The following CCDC7 variants were observed in gnomAD, a reference collection of about 807,000 sequenced individuals.
CCDC7 encodes coiled-coil domain-containing protein 7.
In CCDC7, 183 loss-of-function variants were observed where a neutral mutation model predicts 196.9. The observed-to-expected ratio is 0.93, with a 90% CI of 0.82 to 1.05. The LOEUF is 1.05. CCDC7 is among the 50% of genes least tolerant of loss of function. CCDC7 has a pLI of 0.00. For missense variants in CCDC7, 1,540 were observed against 1,482.2 expected, an observed-to-expected ratio of 1.04 and a Z score of -0.64; for synonymous variants, 525 against 484.6, an observed-to-expected ratio of 1.08 and a Z score of -1.10.
chr10:32,876,494 G>C, downstream of CCDC7: 1 of 1,117,238 alleles, frequency 9.0e-7, no homozygotes. Context: ...ATACTGACTC[G>C]TGTGGATGGT....
intron 15 of CCDC7, among the ~76,000 whole-genome samples, chr10:32,569,910 C>G (rs536880541): frequency 3.5e-4 from 54 of 152,232 alleles, no homozygotes; most frequent in Non-Finnish European, 7.5e-4. Flanking sequence ...TTTGTCTCCT[C>G]TTGCTCTGCT....
rs1404329853 is a variant in CCDC7, at chr10:32,467,142, G to A, written c.511-3922G>A. 1.1e-4 allele frequency among the ~76,000 whole-genome samples: 16 copies of A among 149,042 alleles called. No individual in the cohort carries two copies. The South Asian group carries it at 1.5e-3, about 14-fold the overall frequency. On this transcript the variant is annotated intron_variant, in intron 5 of 41. Coordinates refer to ENST00000639629, the Ensembl canonical transcript of CCDC7. ...TTTTGAGACAGAGTCTTGCTCCCTC[G>A]CCAGGCTGGAGTGCAGTGACACAAT...
rs1425258670 is a variant in CCDC7 at position 32,727,083 on chromosome 10, A to G, written c.2668+251A>G. On this transcript the variant is annotated intron_variant, in intron 26 of 41. Transcript: ENST00000639629. ...TCTACCAAGGCCCAATAATTCGCCT[A>G]CAGTATCTTGAAGAGTGTACCTTTC... Among the ~76,000 whole-genome samples, 10 of 152,274 alleles carry G rather than the reference A, an allele frequency of 6.6e-5. No homozygotes were observed. The East Asian group carries it at 1.2e-3, about 18-fold the overall frequency.
At chr10:32,807,945 G>C (rs768061231) in intron 30 of CCDC7, among the ~76,000 whole-genome samples, 13 of 152,070 alleles carry the variant, frequency 8.5e-5, no homozygotes, top group Non-Finnish European at 1.5e-4. Context: ...TGGCCAGGCT[G>C]GTGTGGCCCA....
intron 28 of CCDC7, among the ~76,000 whole-genome samples, chr10:32,752,044 G>A (rs927810582): frequency 6.6e-6 from 1 of 152,018 alleles, no homozygotes. Flanking sequence ...TGCTATACTT[G>A]GAGGCTCAAC....
intron 24 of CCDC7, among the ~76,000 whole-genome samples, chr10:32,698,369 G>A (rs957651388): frequency 6.6e-6 from 1 of 152,152 alleles, no homozygotes; most frequent in African/African-American, 2.4e-5. Flanking sequence ...GTTGAGAGAA[G>A]TAGACTTCAG....
chr10:32,843,380 A>G (rs377178297), intron 33 of CCDC7, among the ~76,000 whole-genome samples: 22 of 152,154 alleles, frequency 1.4e-4, no homozygotes, highest in African/African-American at 5.1e-4. Flanking sequence ...ATATTTCTGT[A>G]CTTCACTGGA....
At chr10:32,471,539 T>G (rs1439798494) in intron 6 of CCDC7, among the ~76,000 whole-genome samples, 1 of 152,184 alleles carries the variant, frequency 6.6e-6, no homozygotes, top group African/African-American at 2.4e-5. Context: ...ATTGCTAGCT[T>G]TGAAATATCT....
At chr10:32,546,888 G>A (rs1392584014) in intron 13 of CCDC7, among the ~76,000 whole-genome samples, 1 of 152,128 alleles carries the variant, frequency 6.6e-6, no homozygotes. Flanking sequence ...TCAGTTCCTT[G>A]CAGTTTAGGG....
At chr10:32,461,691 A>G (rs887935110) in intron 3 of CCDC7, among the ~76,000 whole-genome samples, 12 of 106,478 alleles carry the variant, frequency 1.1e-4, no homozygotes, top group South Asian at 3.2e-4. Context: ...CCTTACATAT[A>G]TGTGTGTGTG....
At chr10:32,462,478 A>G (rs1034414302) in intron 3 of CCDC7, among the ~76,000 whole-genome samples, 1 of 152,162 alleles carries the variant, frequency 6.6e-6, no homozygotes, top group Admixed American at 6.5e-5. Flanking sequence ...TTTAAATTCT[A>G]GAAAGAAGTT....
At chr10:32,518,933 A>G (rs10508774) in intron 11 of CCDC7, among the ~76,000 whole-genome samples, 16,200 of 152,150 alleles carry the variant, frequency 0.11, 1,056 homozygotes, top group South Asian at 0.25. Flanking sequence ...TCTCTTTGCC[A>G]TTGTTAGAGA....
chr10:32,449,821 A>G (rs2032531211), upstream of CCDC7, among the ~76,000 whole-genome samples: 1 of 152,178 alleles, frequency 6.6e-6, no homozygotes, highest in African/African-American at 2.4e-5. Flanking sequence ...AAATGGGACT[A>G]CTGCCCTTAT....
intron 28 of CCDC7, among the ~76,000 whole-genome samples, chr10:32,750,313 G>A (rs186163021): frequency 2.2e-4 from 33 of 152,190 alleles, no homozygotes; most frequent in Admixed American, 1.8e-3. Context: ...GCACAAATTG[G>A]GTTTCATTTG....
At position 32,567,447 on chromosome 10, in the gene CCDC7, A is replaced by G. The variant is rs185511565; in HGVS notation, c.1198-223A>G. 5.8e-4 allele frequency among the ~76,000 whole-genome samples: 88 copies of G among 152,264 alleles called. 3 individuals carry two copies. Among genetic ancestry groups the G allele is most frequent in the Admixed American group, 3.9e-4 (6 of 15,280 alleles). On this transcript the variant is annotated intron_variant, in intron 14 of 41. Coordinates refer to ENST00000639629, the Ensembl canonical transcript of CCDC7. ...GCCAGGAAAAACTCCTGGGTATAAA[A>G]ATAGCCCTCAAAGGTGGAAGAGGTT...
At chr10:32,454,753 G>C (rs1325898854) in intron 2 of CCDC7, among the ~76,000 whole-genome samples, 1 of 152,030 alleles carries the variant, frequency 6.6e-6, no homozygotes, top group African/African-American at 2.4e-5. Flanking sequence ...TGGACAAAGT[G>C]ATATCCTGTA....
intron 41 of CCDC7, among the ~76,000 whole-genome samples, chr10:32,859,433 A>G (rs1275442331): frequency 6.6e-6 from 1 of 152,194 alleles, no homozygotes; most frequent in East Asian, 1.9e-4. Flanking sequence ...GTAGAAGGAA[A>G]TTTATAGCAC....
At chr10:32,555,858 A>G (rs147759494) in intron 13 of CCDC7, among the ~76,000 whole-genome samples, 149 of 152,328 alleles carry the variant, frequency 9.8e-4, no homozygotes, top group African/African-American at 3.2e-3. Flanking sequence ...TGTGCAAGAT[A>G]AGTTTTATTC....
rs747934366 is a variant in CCDC7 at position 32,686,124 on chromosome 10, G to C, written c.2233+44G>C. On this transcript the variant is annotated intron_variant, in intron 22 of 41. Transcript: ENST00000639629. Reference sequence around the variant, plus strand: ...CATAACTTTACATTATTTTAAATTAGTCACAGCAAAGGTATTTTTCTTCAG... The same window carrying C: ...CATAACTTTACATTATTTTAAATTACTCACAGCAAAGGTATTTTTCTTCAG... 3 of 993,778 alleles carry C rather than the reference G, an allele frequency of 3.0e-6. No homozygotes were observed. In the East Asian group the frequency reaches 7.9e-5, roughly 26 times the overall value. The allele number at this position is 993,778 out of a possible 1,614,324, so 61.6% of individuals were successfully genotyped here. A position where few individuals can be genotyped will look rare whatever the true frequency, so the allele number is the denominator to read the frequency against.
Sources: allele counts gnomAD v4.1 joint callset (sites outside exome capture counted in the v4.1 genomes callset), GRCh38; gene constraint gnomAD v4.1.1; transcripts MANE v1.5; gene names NCBI Gene and HGNC (gene_info 2026-07-23, HGNC 2026-07-21).